The following TAOK3 variants were observed in gnomAD, a reference collection of about 807,000 sequenced individuals.
TAOK3 encodes serine/threonine-protein kinase TAO3.
In TAOK3, 40 loss-of-function variants were observed where a neutral mutation model predicts 120.4. The ratio of observed to expected loss-of-function variants is 0.33; its 90% confidence interval spans 0.26 to 0.43. TAOK3 has a LOEUF of 0.43. TAOK3 is among the 20% of genes least tolerant of loss of function. The pLI, the probability that TAOK3 is intolerant of heterozygous loss-of-function variation, is 1.00. For missense variants in TAOK3, 821 were observed against 1,112.1 expected, an observed-to-expected ratio of 0.74 and a Z score of 3.72; for synonymous variants, 355 against 387.5, an observed-to-expected ratio of 0.92 and a Z score of 0.99.
intron 3 of TAOK3, among the ~76,000 whole-genome samples, chr12:118,254,793 T>A (rs2040908899): frequency 6.6e-6 from 1 of 152,154 alleles, no homozygotes; most frequent in Non-Finnish European, 1.5e-5. Flanking sequence ...AGTCTCACTC[T>A]GTTGCCCAGG....
chr12:118,214,231 C>T (rs1463558026), intron 9 of TAOK3, 121 bp from the exon 10 acceptor site: 1 of 704,232 alleles, frequency 1.4e-6, no homozygotes, highest in African/African-American at 1.9e-5. Flanking sequence ...CATCATGCCA[C>T]ATAATCCACT....
At chr12:118,169,331 T>A (rs1189130049) in intron 17 of TAOK3, among the ~76,000 whole-genome samples, 5 of 93,260 alleles carry the variant, frequency 5.4e-5, no homozygotes, top group African/African-American at 2.2e-4. Context: ...CCCCCCTTTT[T>A]TTTTAAAGAC....
chr12:118,220,656 G>A (rs1259976979), intron 9 of TAOK3, among the ~76,000 whole-genome samples: 1 of 150,974 alleles, frequency 6.6e-6, no homozygotes, highest in Non-Finnish European at 1.5e-5. Context: ...AAGGATGAAA[G>A]AACAAAAACA....
intron 1 of TAOK3, among the ~76,000 whole-genome samples, chr12:118,354,371 G>A (rs2045307446): frequency 6.6e-6 from 1 of 152,196 alleles, no homozygotes; most frequent in Non-Finnish European, 1.5e-5. Flanking sequence ...CATCTACAGT[G>A]TGGATAGGCT....
chr12:118,278,091 T>A (rs1273665673), intron 1 of TAOK3, among the ~76,000 whole-genome samples: 1 of 150,766 alleles, frequency 6.6e-6, no homozygotes, highest in Non-Finnish European at 1.5e-5. Flanking sequence ...AGCCTATTTA[T>A]AAAAGGGATT....
intron 11 of TAOK3, among the ~76,000 whole-genome samples, chr12:118,201,883 T>C (rs924346398): frequency 6.6e-6 from 1 of 151,934 alleles, no homozygotes; most frequent in Non-Finnish European, 1.5e-5. Flanking sequence ...TCAACTATAG[T>C]CCTCATGCTG....
chr12:118,307,799 T>G (rs1317670063), intron 1 of TAOK3, among the ~76,000 whole-genome samples: 1 of 152,148 alleles, frequency 6.6e-6, no homozygotes, highest in East Asian at 1.9e-4. Flanking sequence ...GGTATCTTAT[T>G]ACTAAAACAC....
At chr12:118,282,831 G>T (rs754607109) in intron 1 of TAOK3, among the ~76,000 whole-genome samples, 1 of 152,142 alleles carries the variant, frequency 6.6e-6, no homozygotes, top group Non-Finnish European at 1.5e-5. Flanking sequence ...TCACATGCCC[G>T]CCTGAAAGCT....
intron 3 of TAOK3, chr12:118,246,726 A>T (rs1005068270): frequency 3.1e-6 from 5 of 1,589,444 alleles, no homozygotes; most frequent in Non-Finnish European, 4.3e-6. Context: ...GAAGCTGCTC[A>T]TGATGGCTGG....
chr12:118,257,731 T>A (rs1473672821), intron 2 of TAOK3, among the ~76,000 whole-genome samples: 4 of 152,236 alleles, frequency 2.6e-5, no homozygotes, highest in African/African-American at 9.6e-5. Flanking sequence ...TCTTGAGACA[T>A]AGCCATAGGT....
chr12:118,340,227 C>CT (rs1285220713), intron 1 of TAOK3, among the ~76,000 whole-genome samples: 1 of 152,148 alleles, frequency 6.6e-6, no homozygotes, highest in Non-Finnish European at 1.5e-5. Flanking sequence ...TGAATGTTAA[C>CT]TATAATGTAA....
chr12:118,187,269 A>C (rs534482873), intron 14 of TAOK3, among the ~76,000 whole-genome samples: 1 of 152,342 alleles, frequency 6.6e-6, no homozygotes, highest in Admixed American at 6.5e-5. Context: ...AACTATGAGA[A>C]GGCAAGGTTT....
chr12:118,356,926 TAAAC>T (rs1430620804), intron 1 of TAOK3, among the ~76,000 whole-genome samples: 1 of 152,072 alleles, frequency 6.6e-6, no homozygotes, highest in Non-Finnish European at 1.5e-5. Context: ...TGTCTCTAAA[TAAAC>T]AAGCAAGCTA....
At chr12:118,196,284 A>G (rs1488550409) in intron 13 of TAOK3, among the ~76,000 whole-genome samples, 1 of 152,118 alleles carries the variant, frequency 6.6e-6, no homozygotes, top group African/African-American at 2.4e-5. Context: ...CTGGAAGCAG[A>G]GCAGTTAAGT....
At chr12:118,340,776 TAA>T (rs1323607735) in intron 1 of TAOK3, among the ~76,000 whole-genome samples, 9 of 122,764 alleles carry the variant, frequency 7.3e-5, no homozygotes, top group Non-Finnish European at 7.1e-5. Context: ...ATAAGAACCA[TAA>T]AAAAAAAAAA....
chr12:118,314,928 CT>C (rs913291664), intron 1 of TAOK3, among the ~76,000 whole-genome samples: 193 of 143,180 alleles, frequency 1.3e-3, no homozygotes, highest in African/African-American at 1.4e-3. Flanking sequence ...TTTTCTTTTT[CT>C]TTTTTTTTTT....
chr12:118,272,923 C>T (rs2041769242), intron 1 of TAOK3, among the ~76,000 whole-genome samples: 1 of 151,856 alleles, frequency 6.6e-6, no homozygotes, highest in African/African-American at 2.4e-5. Flanking sequence ...CTATAGTGAG[C>T]CGAGATTGTG....
chr12:118,188,690 AG>A (rs2037225686), intron 14 of TAOK3, among the ~76,000 whole-genome samples: 1 of 152,238 alleles, frequency 6.6e-6, no homozygotes, highest in Non-Finnish European at 1.5e-5. Context: ...AGTAGAAATC[AG>A]GTTTAAAAAA....
intron 2 of TAOK3, among the ~76,000 whole-genome samples, chr12:118,263,980 T>G (rs1354220383): frequency 2.0e-5 from 3 of 152,148 alleles, no homozygotes; most frequent in African/African-American, 7.2e-5. Context: ...GAAGGAGAAG[T>G]GCTTGAACCC....
Sources: allele counts gnomAD v4.1 joint callset (sites outside exome capture counted in the v4.1 genomes callset), GRCh38; gene constraint gnomAD v4.1.1; transcripts MANE v1.5; gene names NCBI Gene and HGNC (gene_info 2026-07-23, HGNC 2026-07-21).